The following GRIK4 variants were observed in gnomAD, a reference collection of about 807,000 sequenced individuals.
GRIK4 encodes glutamate receptor ionotropic, kainate 4.
In GRIK4, 40 loss-of-function variants were observed where a neutral mutation model predicts 104.9. The observed-to-expected ratio is 0.38, with a 90% confidence interval of 0.30 to 0.50. The LOEUF (loss-of-function observed/expected upper bound fraction) is 0.50. Ranked by LOEUF, GRIK4 falls within the 20% of genes least tolerant of loss-of-function variation. The pLI is 0.93. For synonymous variants in GRIK4, 485 were observed against 524.9 expected, an observed-to-expected ratio of 0.92 and a Z score of 1.04; for missense variants, 1,047 against 1,308.1, an observed-to-expected ratio of 0.80 and a Z score of 3.08.
intron 3 of GRIK4, among the ~76,000 whole-genome samples, chr11:120,783,142 A>T (rs1218267743): frequency 6.6e-6 from 1 of 152,220 alleles, no homozygotes; most frequent in Non-Finnish European, 1.5e-5. Flanking sequence ...CCCACAGAGA[A>T]TTACCCAGCC....
chr11:120,946,042 C>G (rs1202538852), intron 14 of GRIK4, among the ~76,000 whole-genome samples: 1 of 152,202 alleles, frequency 6.6e-6, no homozygotes, highest in East Asian at 1.9e-4. Flanking sequence ...CAGTATAATT[C>G]CAAGGACATT....
Position 120,939,247 on chromosome 11 carries a change from G to A in GRIK4, c.1477-1100G>A, listed in dbSNP as rs147626689. On this transcript the variant is annotated intron_variant, in intron 13 of 20. Coordinates refer to ENST00000527524, the MANE Select transcript of GRIK4 (RefSeq NM_014619.5). This position sits in a 1 kb window ranked among gnomAD's most constrained non-coding sequence, Gnocchi z 5.6. ...TCCTGACATAGAAGAGTATGAGGAAGTCTACATCTTTCCCAGAAGGGTTTA... is the reference window on the plus strand; with the variant it reads ...TCCTGACATAGAAGAGTATGAGGAAATCTACATCTTTCCCAGAAGGGTTTA... Among the ~76,000 whole-genome samples, 205 of 152,346 alleles carry A rather than the reference G, an allele frequency of 1.3e-3. No homozygotes were observed. The highest frequency in any genetic ancestry group is 0.012 in the Admixed American group (185 of 15,302).
intron 1 of GRIK4, among the ~76,000 whole-genome samples, chr11:120,558,226 A>T (rs899327687): frequency 5.9e-5 from 9 of 152,144 alleles, no homozygotes; most frequent in African/African-American, 2.2e-4. Flanking sequence ...AATGAGATAA[A>T]GCACATGAAG....
At chr11:120,639,749 A>G (rs1949447199) in intron 1 of GRIK4, among the ~76,000 whole-genome samples, 1 of 152,164 alleles carries the variant, frequency 6.6e-6, no homozygotes, top group Admixed American at 6.5e-5. Flanking sequence ...CACCCAATGG[A>G]TGTCCCAGAC....
At chr11:120,761,989 G>A (rs1951758657) in intron 3 of GRIK4, among the ~76,000 whole-genome samples, 1 of 152,110 alleles carries the variant, frequency 6.6e-6, no homozygotes, top group Non-Finnish European at 1.5e-5. Context: ...TGTGAAGAAA[G>A]TCAATGGTGG....
chr11:120,889,021 G>T (rs1037137848), intron 11 of GRIK4, among the ~76,000 whole-genome samples: 1 of 152,080 alleles, frequency 6.6e-6, no homozygotes, highest in Non-Finnish European at 1.5e-5. Context: ...TGAATTTTCA[G>T]CATTATTCTG....
intron 1 of GRIK4, among the ~76,000 whole-genome samples, chr11:120,531,211 C>G (rs991546272): frequency 6.6e-5 from 10 of 152,230 alleles, no homozygotes; most frequent in African/African-American, 1.9e-4. Context: ...TGTGTAAATG[C>G]TACCCTACAA....
chr11:120,821,695 C>T (rs1359158941), intron 6 of GRIK4, among the ~76,000 whole-genome samples: 1 of 152,210 alleles, frequency 6.6e-6, no homozygotes, highest in East Asian at 1.9e-4. Flanking sequence ...GAACTCAAAG[C>T]CTTGTTCAAC....
intron 9 of GRIK4, among the ~76,000 whole-genome samples, chr11:120,865,146 G>C (rs1954372987): frequency 6.6e-6 from 1 of 151,292 alleles, no homozygotes; most frequent in African/African-American, 2.4e-5. Context: ...TAAATACTGT[G>C]TAACAGCCAA....
intron 6 of GRIK4, among the ~76,000 whole-genome samples, chr11:120,824,399 A>G (rs562848666): frequency 1.3e-5 from 2 of 152,268 alleles, no homozygotes; most frequent in East Asian, 3.9e-4. Flanking sequence ...GTGGGTGCCC[A>G]GGGCCTGTTG....
At chr11:120,817,466 T>G (rs557312244) in intron 5 of GRIK4, among the ~76,000 whole-genome samples, 1 of 152,348 alleles carries the variant, frequency 6.6e-6, no homozygotes, top group African/African-American at 2.4e-5. Flanking sequence ...GAGGCTGAAC[T>G]GCCTTATGCT....
Position 120,831,529 on chromosome 11 carries a change from G to A in GRIK4, c.512-323G>A, listed in dbSNP as rs570976494. 3.3e-5 allele frequency among the ~76,000 whole-genome samples: 5 copies of A among 152,270 alleles called. No individual in the cohort carries two copies. The South Asian group carries it at 8.3e-4, about 25-fold the overall frequency. ...GTCTTGGTCTCTGTGCATCCTATCC[G>A]GCTTTCGAGGGTGGTGGGGAGGAGG... On this transcript the variant is annotated intron_variant, in intron 6 of 20. Coordinates refer to ENST00000527524, the MANE Select transcript of GRIK4 (RefSeq NM_014619.5).
intron 3 of GRIK4, among the ~76,000 whole-genome samples, chr11:120,661,742 A>G (rs966195837): frequency 3.9e-5 from 6 of 152,084 alleles, no homozygotes; most frequent in Admixed American, 1.3e-4. Flanking sequence ...TTTTCATGCA[A>G]ATGCAGAGGA....
At chr11:120,654,750 A>G (rs1949675862) in intron 2 of GRIK4, among the ~76,000 whole-genome samples, 1 of 152,180 alleles carries the variant, frequency 6.6e-6, no homozygotes, top group South Asian at 2.1e-4. Flanking sequence ...GGGGACTATT[A>G]ACATCCCCAT....
At chr11:120,710,522 C>A (rs1326704077) in intron 3 of GRIK4, among the ~76,000 whole-genome samples, 1 of 152,188 alleles carries the variant, frequency 6.6e-6, no homozygotes, top group Non-Finnish European at 1.5e-5. Flanking sequence ...AACGGCCCCC[C>A]CATTCCAGCT....
intron 13 of GRIK4, among the ~76,000 whole-genome samples, chr11:120,928,830 A>G (rs928778466): frequency 1.3e-5 from 2 of 152,176 alleles, no homozygotes; most frequent in African/African-American, 4.8e-5. Flanking sequence ...CCTGCGGATG[A>G]CATTGCCACT....
At chr11:120,698,726 C>G (rs1413982755) in intron 3 of GRIK4, among the ~76,000 whole-genome samples, 1 of 152,186 alleles carries the variant, frequency 6.6e-6, no homozygotes, top group African/African-American at 2.4e-5. Context: ...CCTCCCTGCC[C>G]TGGAGTTCTG....
chr11:120,655,523 T>C lies in GRIK4; in HGVS notation c.-51+1731T>C, dbSNP rs190401720. On this transcript the variant is annotated intron_variant, in intron 2 of 20. Coordinates refer to ENST00000527524, the MANE Select transcript of GRIK4 (RefSeq NM_014619.5). The stretch of plus-strand genomic sequence containing the variant: ...AGACTTCAGGGCAGGAGTGTGTCAT[T>C]ATCAAGTTTGTATTTCTGTAAGAAG... 2.2e-4 allele frequency among the ~76,000 whole-genome samples: 33 copies of C among 152,278 alleles called. 1 individual carries two copies. In the South Asian group the frequency reaches 5.2e-3, roughly 24 times the overall value.
At chr11:120,961,804 G>T (rs1470787941) in intron 17 of GRIK4, among the ~76,000 whole-genome samples, 3 of 152,244 alleles carry the variant, frequency 2.0e-5, no homozygotes, top group Non-Finnish European at 2.9e-5. Context: ...TATCCAAGAA[G>T]TTCATTTTCC....
Sources: allele counts gnomAD v4.1 joint callset (sites outside exome capture counted in the v4.1 genomes callset), GRCh38; gene constraint gnomAD v4.1.1; non-coding constraint Gnocchi (gnomAD v3.1); transcripts MANE v1.5; gene names NCBI Gene and HGNC (gene_info 2026-07-23, HGNC 2026-07-21).